The following RAP1GAP variants were observed in gnomAD, a reference collection of about 807,000 sequenced individuals.
The protein encoded by RAP1GAP is RAP1 GTPase activating protein.
Under a neutral mutation model 87.2 loss-of-function variants are expected in RAP1GAP, and 35 were observed. The ratio of observed to expected loss-of-function variants is 0.40; its 90% CI spans 0.31 to 0.53. The LOEUF (loss-of-function observed/expected upper bound fraction) is 0.53, where lower values mean the gene tolerates loss of function less well. Ranked by LOEUF, RAP1GAP falls within the 20% of genes least tolerant of loss-of-function variation. RAP1GAP has a pLI of 0.48. For missense variants in RAP1GAP, 734 were observed against 898.9 expected, an observed-to-expected ratio of 0.82 and a Z score of 2.35; for synonymous variants, 375 against 363.9, an observed-to-expected ratio of 1.03 and a Z score of -0.35.
chr1:21,634,767 G>A lies in RAP1GAP; in HGVS notation c.-112-8370C>T, dbSNP rs757725275. ...GAACCAGGCCACCCATTTACCTGCT[G>A]TCTATCCAGCATCTGTCTCCCTTGC... On this transcript the variant is annotated intron_variant, in intron 2 of 24. Coordinates refer to ENST00000374765, the MANE Select transcript of RAP1GAP (RefSeq NM_002885.4). This position sits in a 1 kb window ranked among gnomAD's most constrained non-coding sequence, Gnocchi z 4.1. The A allele has an allele frequency of 1.5e-5, 7 of 478,570 alleles. No individual in the cohort carries two copies. Among genetic ancestry groups the A allele is most frequent in the Non-Finnish European group, 2.5e-5 (6 of 238,212 alleles). The allele number at this position is 478,570 out of a possible 1,614,324, so 29.6% of individuals were successfully genotyped here.
intron 1 of RAP1GAP, among the ~76,000 whole-genome samples, chr1:21,659,642 G>A (rs1384505275): frequency 1.3e-5 from 2 of 151,602 alleles, no homozygotes; most frequent in Non-Finnish European, 2.9e-5. Flanking sequence ...AGCCCCGTGA[G>A]GCTGATCCTG....
chr1:21,664,511 G>A (rs1000631635), intron 1 of RAP1GAP, among the ~76,000 whole-genome samples: 2 of 152,072 alleles, frequency 1.3e-5, no homozygotes, highest in African/African-American at 2.4e-5. Context: ...CCCAGCCCTT[G>A]CCCACGCCGT....
intron 2 of RAP1GAP, among the ~76,000 whole-genome samples, chr1:21,639,600 C>G (rs1036506735): frequency 6.6e-6 from 1 of 152,148 alleles, no homozygotes; most frequent in Admixed American, 6.5e-5. Context: ...AGAGAATGCA[C>G]GTGAAAGTAC....
At chr1:21,663,321 T>C (rs1410763896) in intron 1 of RAP1GAP, among the ~76,000 whole-genome samples, 2 of 152,188 alleles carry the variant, frequency 1.3e-5, no homozygotes, top group African/African-American at 4.8e-5. Context: ...TCCCATGGCA[T>C]CCTGAGCCTG....
chr1:21,641,449 T>A (rs1167231198), intron 2 of RAP1GAP, among the ~76,000 whole-genome samples: 1 of 152,176 alleles, frequency 6.6e-6, no homozygotes, highest in African/African-American at 2.4e-5. Context: ...CCTGATACCC[T>A]TGGCAAAGCC....
chr1:21,598,564 C>T, intron 21 of RAP1GAP, 62 bp from the exon 22 acceptor site: 3 of 1,274,030 alleles, frequency 2.4e-6, no homozygotes, highest in Admixed American at 1.8e-5. Flanking sequence ...GGCTAGGGCT[C>T]CCTCCCAGCC....
At chr1:21,643,615 C>G (rs998363267) in intron 2 of RAP1GAP, among the ~76,000 whole-genome samples, 6 of 151,552 alleles carry the variant, frequency 4.0e-5, no homozygotes, top group Admixed American at 6.6e-5. Flanking sequence ...TAGCCATCTA[C>G]TCACCCCCTG....
intron 19 of RAP1GAP, among the ~76,000 whole-genome samples, chr1:21,602,126 A>C (rs1019903973): frequency 5.3e-5 from 8 of 152,214 alleles, no homozygotes; most frequent in South Asian, 2.1e-4. Flanking sequence ...CCCAGGACTC[A>C]CAGCATGCGG....
At chr1:21,648,395 C>T (rs1052878682) in intron 2 of RAP1GAP, among the ~76,000 whole-genome samples, 5 of 152,156 alleles carry the variant, frequency 3.3e-5, no homozygotes, top group East Asian at 3.9e-4. Context: ...ACAGAGTAGG[C>T]GAGGTTTTGG....
intron 19 of RAP1GAP, among the ~76,000 whole-genome samples, chr1:21,602,397 C>T (rs543667041): frequency 1.3e-5 from 2 of 152,344 alleles, no homozygotes; most frequent in East Asian, 3.9e-4. Context: ...GGCCTGGGCT[C>T]ACTGCCCTCA....
chr1:21,667,118 C>G (rs957462899), intron 1 of RAP1GAP, among the ~76,000 whole-genome samples: 1 of 151,092 alleles, frequency 6.6e-6, no homozygotes, highest in Non-Finnish European at 1.5e-5. Flanking sequence ...TGCGGCTGCT[C>G]AGCAGCCTCT....
At chr1:21,661,916 A>G (rs2097167803) in intron 1 of RAP1GAP, among the ~76,000 whole-genome samples, 1 of 152,210 alleles carries the variant, frequency 6.6e-6, no homozygotes. Flanking sequence ...CCCCATGTGC[A>G]TGGTGGGCAG....
At chr1:21,647,530 G>C (rs2096177553) in intron 2 of RAP1GAP, among the ~76,000 whole-genome samples, 1 of 152,140 alleles carries the variant, frequency 6.6e-6, no homozygotes, top group East Asian at 1.9e-4. Flanking sequence ...TGCACTGCAG[G>C]GTTATGTGAA....
chr1:21,637,623 T>C (rs1337722375), intron 2 of RAP1GAP, among the ~76,000 whole-genome samples: 1 of 152,116 alleles, frequency 6.6e-6, no homozygotes, highest in East Asian at 1.9e-4. Context: ...AAAAAAGTCA[T>C]GAAGCAGGGT....
chr1:21,601,122 C>A (rs1380674254), intron 20 of RAP1GAP, among the ~76,000 whole-genome samples: 1 of 151,618 alleles, frequency 6.6e-6, no homozygotes, highest in East Asian at 1.9e-4. Context: ...GCCTCCAACT[C>A]CTGGGCTAAA....
chr1:21,602,072 G>A (rs1054125152), intron 19 of RAP1GAP, among the ~76,000 whole-genome samples: 2 of 152,204 alleles, frequency 1.3e-5, no homozygotes, highest in East Asian at 3.9e-4. Context: ...TAAGGAACCT[G>A]CCCAGGGACG....
intron 2 of RAP1GAP, among the ~76,000 whole-genome samples, chr1:21,639,375 T>C (rs1190331047): frequency 6.6e-6 from 1 of 152,128 alleles, no homozygotes; most frequent in Non-Finnish European, 1.5e-5. Context: ...AGTGACAGCC[T>C]GGAAAGGTGA....
At chr1:21,662,707 C>T (rs542801056) in intron 1 of RAP1GAP, among the ~76,000 whole-genome samples, 4 of 152,180 alleles carry the variant, frequency 2.6e-5, no homozygotes, top group East Asian at 3.9e-4. Context: ...TTCTGTATGG[C>T]GCCCTCCCCA....
At chr1:21,619,898 T>C (rs1430991218) in intron 4 of RAP1GAP, 117 bp downstream of exon 4, 3 of 1,093,324 alleles carry the variant, frequency 2.7e-6, no homozygotes, top group South Asian at 1.3e-5. Flanking sequence ...GCCACCATCT[T>C]CTACTGGCGT....
Sources: gnomAD v4.1 joint callset for allele counts (sites outside exome capture counted in the v4.1 genomes callset) on GRCh38, gnomAD v4.1.1 for gene constraint, Gnocchi (gnomAD v3.1) non-coding constraint, MANE v1.5 for transcripts, NCBI Gene and HGNC (gene_info 2026-07-23, HGNC 2026-07-21) for gene names.